Variants in MOGAT1 observed in about 807,000 individuals in gnomAD.
MOGAT1 encodes the protein monoacylglycerol O-acyltransferase 1.
MOGAT1 carries 32 observed loss-of-function variants against 31.4 expected under a neutral mutation model. The observed-to-expected ratio is 1.02, with a 90% CI of 0.77 to 1.37. The LOEUF (loss-of-function observed/expected upper bound fraction) is 1.37. Among genes scored for constraint, MOGAT1 ranks in the 40% most tolerant of loss-of-function variants. The probability of loss-of-function intolerance (pLI) is 0.00; values close to 1 mark genes in which losing one functional copy is unlikely to be tolerated. For missense variants in MOGAT1, 426 were observed against 402.0 expected, an observed-to-expected ratio of 1.06 and a Z score of -0.51; for synonymous variants, 145 against 144.5, an observed-to-expected ratio of 1.00 and a Z score of -0.03.
At chr2:222,671,936 G>C (rs1692425146) in intron 1 of MOGAT1, 57 bp downstream of exon 1, 3 of 1,399,184 alleles carry the variant, frequency 2.1e-6, no homozygotes, top group Non-Finnish European at 2.0e-6. Flanking sequence ...CCCTCGGGAC[G>C]GTCCGGATTC....
At chr2:222,702,838 C>CA (rs1395760654) in intron 5 of MOGAT1, among the ~76,000 whole-genome samples, 2 of 148,656 alleles carry the variant, frequency 1.3e-5, no homozygotes, top group Non-Finnish European at 3.0e-5. Context: ...AAAAAAACCA[C>CA]AAAAAACAAA....
chr2:222,700,252 T>C (rs753888484), intron 5 of MOGAT1, among the ~76,000 whole-genome samples: 1 of 152,268 alleles, frequency 6.6e-6, no homozygotes, highest in Non-Finnish European at 1.5e-5. Context: ...TAAGCTTTTT[T>C]ACTTTTTAAA....
chr2:222,706,212 C>G (rs982633671), intron 5 of MOGAT1, among the ~76,000 whole-genome samples: 1 of 152,214 alleles, frequency 6.6e-6, no homozygotes, highest in Non-Finnish European at 1.5e-5. Flanking sequence ...GTGGCTCACG[C>G]CTATAATCCC....
intron 1 of MOGAT1, among the ~76,000 whole-genome samples, chr2:222,673,686 C>T (rs1023254914): frequency 1.4e-4 from 21 of 152,212 alleles, no homozygotes; most frequent in Admixed American, 1.4e-3. Context: ...TCTTAAATGG[C>T]CTGAACTTGG....
chr2:222,701,317 A>G (rs1192220697), intron 5 of MOGAT1, among the ~76,000 whole-genome samples: 1 of 150,072 alleles, frequency 6.7e-6, no homozygotes, highest in Non-Finnish European at 1.5e-5. Flanking sequence ...AGAGAGAGAG[A>G]GAGAGAGAGA....
At chr2:222,686,867 C>T (rs1018344276) in intron 1 of MOGAT1, among the ~76,000 whole-genome samples, 1 of 152,102 alleles carries the variant, frequency 6.6e-6, no homozygotes, top group Admixed American at 6.5e-5. Flanking sequence ...AATCCCAACA[C>T]TTTGGGAGGC....
At chr2:222,675,580 T>G (rs1975554) in intron 1 of MOGAT1, among the ~76,000 whole-genome samples, 11 of 150,230 alleles carry the variant, frequency 7.3e-5, no homozygotes, top group African/African-American at 2.2e-4. Context: ...CCCGGGTTCA[T>G]GCCATTCTCC....
At chr2:222,690,735 G>A (rs1425073318) in intron 3 of MOGAT1, among the ~76,000 whole-genome samples, 1 of 152,060 alleles carries the variant, frequency 6.6e-6, no homozygotes, top group Non-Finnish European at 1.5e-5. Flanking sequence ...TGGTCCCGAG[G>A]GCACACTAGA....
Position 222,690,761 on chromosome 2 carries a change from T to A in MOGAT1, c.478+1292T>A, listed in dbSNP as rs1692747231. Among the ~76,000 whole-genome samples, 3 of 152,244 alleles carry A rather than the reference T, an allele frequency of 2.0e-5. No individual in the cohort carries two copies. In the South Asian group the frequency reaches 6.2e-4, roughly 32 times the overall value. On this transcript the variant is annotated intron_variant, in intron 3 of 5. Transcript: ENST00000446656. ...GCACACTAGAGGGCGCACTAAACCC[T>A]CCAAGCTACCGGAAGATCCGGCATC...
At chr2:222,675,861 A>T (rs1489274096) in intron 1 of MOGAT1, among the ~76,000 whole-genome samples, 2 of 152,130 alleles carry the variant, frequency 1.3e-5, no homozygotes, top group Non-Finnish European at 2.9e-5. Flanking sequence ...CTTACAGGAA[A>T]TAAAGGATAA....
rs188382008 is a variant in MOGAT1 at position 222,682,933 on chromosome 2, G to A, written c.95-5411G>A. 1.9e-3 allele frequency among the ~76,000 whole-genome samples: 288 copies of A among 152,324 alleles called. 1 individual carries two copies. Among genetic ancestry groups the A allele is most frequent in the Non-Finnish European group, 2.8e-3 (193 of 68,034 alleles). Reference sequence around the variant, plus strand: ...CAGAAACAGAATACAGCCAGGTACAGTGGCTCACACCTGTCATCCCAGCAC... The same window carrying A: ...CAGAAACAGAATACAGCCAGGTACAATGGCTCACACCTGTCATCCCAGCAC... On this transcript the variant is annotated intron_variant, in intron 1 of 5. Transcript: ENST00000446656.
intron 5 of MOGAT1, among the ~76,000 whole-genome samples, chr2:222,709,020 T>A (rs1693071714): frequency 6.6e-6 from 1 of 152,228 alleles, no homozygotes; most frequent in Non-Finnish European, 1.5e-5. Context: ...AAGATATGTA[T>A]TTTTTAATTG....
At chr2:222,697,767 G>A (rs532989998) in intron 5 of MOGAT1, among the ~76,000 whole-genome samples, 2 of 151,914 alleles carry the variant, frequency 1.3e-5, no homozygotes, top group African/African-American at 2.4e-5. Flanking sequence ...TAGAGACAGA[G>A]TCTCACTATG....
At position 222,688,454 on chromosome 2, in the gene MOGAT1, G is replaced by C; in HGVS notation, c.205G>C (p.Gly69Arg). ...YFDWHTPERG[G>R]RRSSWIKNWT... ...TGACTGGCATACCCCAGAGCGAGGA[G>C]GCAGGAGATCCAGCTGGATCAAAAA... The change falls in exon 2 of 6, where the codon GGC (glycine) becomes CGC (arginine). Residue 69 changes from glycine to arginine, a missense_variant. Coordinates refer to ENST00000446656, the MANE Select transcript of MOGAT1 (RefSeq NM_058165.3). 6.2e-7 allele frequency: 1 copy of C among 1,613,808 alleles called. No individual in the cohort carries two copies. Among genetic ancestry groups the C allele is most frequent in the Non-Finnish European group, 8.5e-7 (1 of 1,179,822 alleles).
chr2:222,707,920 G>A (rs567702411), intron 5 of MOGAT1, among the ~76,000 whole-genome samples: 10 of 152,192 alleles, frequency 6.6e-5, no homozygotes, highest in East Asian at 1.9e-4. Context: ...TCAGAACCTC[G>A]TATGTGACAT....
At chr2:222,685,349 T>C (rs1246392996) in intron 1 of MOGAT1, among the ~76,000 whole-genome samples, 1 of 152,136 alleles carries the variant, frequency 6.6e-6, no homozygotes, top group Non-Finnish European at 1.5e-5. Flanking sequence ...TTGTGGCATT[T>C]GGAAACAGGA....
chr2:222,707,466 A>C (rs1693023099), intron 5 of MOGAT1, among the ~76,000 whole-genome samples: 1 of 152,100 alleles, frequency 6.6e-6, no homozygotes, highest in African/African-American at 2.4e-5. Context: ...AAGGAAATTA[A>C]GGCCAGAGAG....
intron 5 of MOGAT1, among the ~76,000 whole-genome samples, chr2:222,707,371 G>GAAAT (rs71056504): frequency 0.035 from 5,003 of 141,602 alleles, 279 homozygotes; most frequent in African/African-American, 0.12. Context: ...GAGAAAGAAA[G>GAAAT]AGAAAGAAAG....
At chr2:222,672,860 C>T (rs1016178422) in intron 1 of MOGAT1, among the ~76,000 whole-genome samples, 1 of 150,390 alleles carries the variant, frequency 6.6e-6, no homozygotes, top group African/African-American at 2.4e-5. Flanking sequence ...CTAAAAAGTG[C>T]AGATGCCCAG....
Sources: gnomAD v4.1 joint callset for allele counts (sites outside exome capture counted in the v4.1 genomes callset) on GRCh38, gnomAD v4.1.1 for gene constraint, MANE v1.5 for transcripts, NCBI Gene and HGNC (gene_info 2026-07-23, HGNC 2026-07-21) for gene names.